Variants in TCP11L2 observed in about 807,000 individuals in gnomAD.
TCP11L2 encodes T-complex protein 11-like protein 2.
Under a neutral mutation model 50.7 loss-of-function variants are expected in TCP11L2, and 39 were observed. The observed-to-expected ratio is 0.77, with a 90% CI of 0.60 to 1.01. The LOEUF (loss-of-function observed/expected upper bound fraction) is 1.01, where lower values mean the gene tolerates loss of function less well. Ranked by LOEUF, TCP11L2 falls within the 50% of genes least tolerant of loss-of-function variation. The pLI is 0.00. For synonymous variants in TCP11L2, 192 were observed against 219.3 expected (o/e 0.88, Z 1.10); for missense variants, 612 against 614.7 (o/e 1.00, Z 0.05).
intron 8 of TCP11L2, among the ~76,000 whole-genome samples, chr12:106,340,249 C>G (rs1299325681): frequency 6.6e-6 from 1 of 152,166 alleles, no homozygotes; most frequent in African/African-American, 2.4e-5. Flanking sequence ...TCTTTAATTA[C>G]CTTTACAACT....
intron 2 of TCP11L2, among the ~76,000 whole-genome samples, chr12:106,313,720 T>C (rs898203505): frequency 2.6e-5 from 4 of 151,128 alleles, no homozygotes; most frequent in Admixed American, 1.3e-4. Context: ...ATAATACATA[T>C]AATAAGTGCA....
chr12:106,339,665 C>T (rs1040015724), intron 8 of TCP11L2, among the ~76,000 whole-genome samples: 9 of 152,228 alleles, frequency 5.9e-5, no homozygotes, highest in Middle Eastern at 3.4e-3. Context: ...AGGAAGGAGT[C>T]CAGTATCAAT....
Position 106,346,439 on chromosome 12 carries a change from T to C in TCP11L2, c.1469T>C (p.Val490Ala). ...AACATTGTGAATCTCAACAAACAAG[T>C]GTATGGACCATTTTATGCAAATATA... ...YANIVNLNKQ[V>A]YGPFYANILR... The change falls in exon 10 of 10, where the codon GTG becomes GCG. Residue 490 changes from valine to alanine, a missense_variant. Val to Ala is a moderately conservative substitution (Grantham distance 64). Coordinates refer to ENST00000299045, the MANE Select transcript of TCP11L2 (RefSeq NM_152772.3). The C allele has an allele frequency of 6.2e-7, 1 of 1,614,138 alleles. No individual in the cohort carries two copies. The highest frequency in any genetic ancestry group is 8.5e-7 in the Non-Finnish European group (1 of 1,180,018).
chr12:106,336,207 A>G lies in TCP11L2; in HGVS notation c.1136A>G (p.Asn379Ser), dbSNP rs1181459300. 2 of 1,604,820 alleles carry G rather than the reference A, an allele frequency of 1.2e-6. No homozygotes were observed. Among genetic ancestry groups the G allele is most frequent in the Non-Finnish European group, 1.7e-6 (2 of 1,177,240 alleles). ...RISAVLLEGM[N>S]KETFNLKEVL... ...TCAGCTGTTCTACTTGAAGGCATGA[A>G]CAAAGAGTAAGTTCCAAATTTTTGC... is the stretch of plus-strand genomic sequence containing the variant. The change falls in exon 8 of 10, where the codon AAC becomes AGC. Residue 379 changes from asparagine to serine, a missense_variant. Physicochemically the swap from Asn to Ser is conservative, Grantham distance 46. Coordinates refer to ENST00000299045, the MANE Select transcript of TCP11L2 (RefSeq NM_152772.3).
intron 5 of TCP11L2, 68 bp downstream of exon 5, chr12:106,321,774 C>A: frequency 7.3e-7 from 1 of 1,361,918 alleles, no homozygotes; most frequent in Admixed American, 1.7e-5. Flanking sequence ...AGTTGGGCAT[C>A]AGGGAACACA....
upstream of TCP11L2, among the ~76,000 whole-genome samples, chr12:106,298,953 G>T (rs2136563841): frequency 6.6e-6 from 1 of 152,140 alleles, no homozygotes; most frequent in Middle Eastern, 3.4e-3. Context: ...AAGTATTTGG[G>T]ATTAGAGGTA....
intron 6 of TCP11L2, among the ~76,000 whole-genome samples, chr12:106,327,238 G>A (rs1361426178): frequency 6.6e-6 from 1 of 151,782 alleles, no homozygotes; most frequent in African/African-American, 2.4e-5. Flanking sequence ...CTATTGCCCA[G>A]GCTGGGGTGC....
In TCP11L2 at chr12:106,330,707, C is replaced by T. The variant is rs542008379; in HGVS notation, c.773-4932C>T. Among the ~76,000 whole-genome samples, 6 of 152,262 alleles carry T rather than the reference C, an allele frequency of 3.9e-5. No individual in the cohort carries two copies. In the East Asian group the frequency reaches 7.7e-4, roughly 20 times the overall value. On this transcript the variant is annotated intron_variant, in intron 6 of 9. Transcript: ENST00000299045. Reference sequence around the variant, plus strand: ...TTGGGGGTTGTTTTGTGTTTGGAATCAGTCTGATTTCAGCTAGTCATGGCT... The same window carrying T: ...TTGGGGGTTGTTTTGTGTTTGGAATTAGTCTGATTTCAGCTAGTCATGGCT...
chr12:106,322,217 A>T (rs1388543910), intron 5 of TCP11L2, among the ~76,000 whole-genome samples: 1 of 152,316 alleles, frequency 6.6e-6, no homozygotes, highest in East Asian at 1.9e-4. Flanking sequence ...TCCACGTGTC[A>T]TCCAGGGACC....
At chr12:106,346,205 T>C in intron 9 of TCP11L2, 81 bp from the exon 10 acceptor site, 1 of 1,392,620 alleles carries the variant, frequency 7.2e-7, no homozygotes, top group Non-Finnish European at 9.8e-7. Flanking sequence ...GCAGTCAACC[T>C]ACTACAATTA....
chr12:106,326,295 C>T (rs116058801), intron 6 of TCP11L2, among the ~76,000 whole-genome samples: 1,972 of 152,202 alleles, frequency 0.013, 44 homozygotes, highest in African/African-American at 0.045. Flanking sequence ...GAGGAACCGT[C>T]GAGGAAGCTG....
intron 6 of TCP11L2, among the ~76,000 whole-genome samples, chr12:106,328,763 A>G (rs2035643025): frequency 6.6e-6 from 1 of 152,238 alleles, no homozygotes; most frequent in Non-Finnish European, 1.5e-5. Flanking sequence ...AGTTTGCAGA[A>G]TCAAAGGAAA....
intron 6 of TCP11L2, among the ~76,000 whole-genome samples, chr12:106,326,913 G>C (rs975192895): frequency 1.3e-5 from 2 of 152,188 alleles, no homozygotes; most frequent in African/African-American, 2.4e-5. Flanking sequence ...TGTTGTTTTA[G>C]CTTCAAAGGG....
intron 3 of TCP11L2, among the ~76,000 whole-genome samples, chr12:106,316,596 G>T (rs1258883915): frequency 1.3e-5 from 2 of 152,100 alleles, no homozygotes; most frequent in African/African-American, 4.8e-5. Context: ...GACTTAAAGA[G>T]GCTTTTTCCC....
chr12:106,344,806 G>A (rs1258304621), intron 9 of TCP11L2, among the ~76,000 whole-genome samples: 1 of 152,146 alleles, frequency 6.6e-6, no homozygotes, highest in Non-Finnish European at 1.5e-5. Context: ...ATTATTAATA[G>A]TTGTCCTATA....
intron 2 of TCP11L2, 102 bp from the exon 3 acceptor site, chr12:106,314,256 A>C: frequency 1.6e-6 from 2 of 1,238,884 alleles, no homozygotes; most frequent in Non-Finnish European, 2.2e-6. Flanking sequence ...AAAACTCTGA[A>C]GTATATACAT....
Position 106,303,847 on chromosome 12 carries a change from A to T in TCP11L2, c.-36+906A>T, listed in dbSNP as rs529419157. 3 of 152,372 alleles carry T rather than the reference A, an allele frequency of 2.0e-5. No homozygotes were observed. In the South Asian group the frequency reaches 6.2e-4, roughly 32 times the overall value. 9.4% of individuals were successfully genotyped at this position (152,372 alleles called of 1,614,324 possible). A position where few individuals can be genotyped will look rare whatever the true frequency, so the allele number is the denominator to read the frequency against. On this transcript the variant is annotated intron_variant, in intron 1 of 9. Transcript: ENST00000299045. ...ATAGTAAAGGTAAGGAGGGAGACGT[A>T]GAAATAGTCATGAAGAGTGGCACTC...
intron 8 of TCP11L2, among the ~76,000 whole-genome samples, chr12:106,337,987 A>G (rs2035975122): frequency 6.6e-6 from 1 of 152,192 alleles, no homozygotes; most frequent in African/African-American, 2.4e-5. Context: ...ATAGTATTAA[A>G]AAAAGGGATA....
At chr12:106,303,701 C>G (rs1419721818) in intron 1 of TCP11L2, 3 of 152,160 alleles carry the variant, frequency 2.0e-5, no homozygotes, top group African/African-American at 7.2e-5. Context: ...TACTTGTTTT[C>G]GTTACTATTA....
Sources: gnomAD v4.1 joint callset for allele counts (sites outside exome capture counted in the v4.1 genomes callset) on GRCh38, gnomAD v4.1.1 for gene constraint, MANE v1.5 for transcripts, NCBI Gene and HGNC (gene_info 2026-07-23, HGNC 2026-07-21) for gene names.